MTMR8: variants seen among roughly 807,000 people sequenced by gnomAD.
MTMR8 encodes the protein phosphatidylinositol-3,5-bisphosphate 3-phosphatase MTMR8.
A neutral mutation model predicts 39.3 loss-of-function variants in MTMR8; 65 were observed. That is an observed-to-expected ratio of 1.65 (90% CI 1.35 to 2.03). MTMR8 has a LOEUF of 2.03. MTMR8 is among the 30% of genes most tolerant of loss of function. MTMR8 has a pLI of 0.00. For missense variants in MTMR8, 777 were observed against 538.9 expected (o/e 1.44, Z -4.37); for synonymous variants, 245 against 185.2 (o/e 1.32, Z -2.62).
Position 64,331,643 on chromosome X carries a change from G to A in MTMR8, c.1266C>T (p.Asn422=). ...CATGGTCATGAATCTCCAGCAGGAA[G>A]TTTTCATTAAACTCAAAGGCACAGG... ...QFPCAFEFNE[N]FLLEIHDHVF... is the part of the protein sequence containing the mutation. Residue 422 remains asparagine, a synonymous_variant, in exon 11 of 14, where the codon AAC becomes AAT. Transcript: ENST00000374852. 1.7e-6 allele frequency: 2 copies of A among 1,210,626 alleles called. No homozygotes were observed. The highest frequency in any genetic ancestry group is 2.2e-6 in the Non-Finnish European group (2 of 894,878).
intron 4 of MTMR8, among the ~76,000 whole-genome samples, chrX:64,352,365 G>A (rs889078841): frequency 9.0e-6 from 1 of 110,876 alleles, no homozygotes; most frequent in Non-Finnish European, 1.9e-5. Flanking sequence ...ATCCTTTCAC[G>A]GTAATAAATC....
At chrX:64,329,503 A>G (rs1242025973) in intron 11 of MTMR8, among the ~76,000 whole-genome samples, 1 of 111,674 alleles carries the variant, frequency 9.0e-6, no homozygotes, top group African/African-American at 3.3e-5. Context: ...TGGCATTTAT[A>G]TTACAAAATT....
At chrX:64,345,383 T>C (rs1171197703) in intron 6 of MTMR8, among the ~76,000 whole-genome samples, 1 of 111,487 alleles carries the variant, frequency 9.0e-6, no homozygotes, top group Non-Finnish European at 1.9e-5. Flanking sequence ...AGGGGAAAAA[T>C]AGGGAGATAC....
intron 6 of MTMR8, among the ~76,000 whole-genome samples, chrX:64,348,244 C>G (rs1486882450): frequency 1.8e-5 from 2 of 110,080 alleles, no homozygotes. Flanking sequence ...ATTACTGTGG[C>G]CTAACACATT....
intron 8 of MTMR8, among the ~76,000 whole-genome samples, chrX:64,339,789 G>A (rs181049616): frequency 1.3e-3 from 144 of 110,136 alleles, no homozygotes; most frequent in African/African-American, 4.4e-3. Context: ...TATGTCCACC[G>A]AGATAGCAAA....
At chrX:64,274,789 T>A (rs1931835015) in intron 12 of MTMR8, among the ~76,000 whole-genome samples, 1 of 111,933 alleles carries the variant, frequency 8.9e-6, no homozygotes, top group African/African-American at 3.2e-5. Flanking sequence ...ACTATGTAAG[T>A]GAAATAAGCC....
chrX:64,343,852 C>T (rs758756640), intron 7 of MTMR8, 132 bp from the exon 8 acceptor site: 30 of 472,100 alleles, frequency 6.4e-5, no homozygotes, highest in East Asian at 3.4e-4. Context: ...TTAGAAACCA[C>T]ACAGTGAGTC....
chrX:64,343,792 A>G, intron 7 of MTMR8, 72 bp from the exon 8 acceptor site: 1 of 710,827 alleles, frequency 1.4e-6, no homozygotes, highest in South Asian at 2.4e-5. Flanking sequence ...GAGAAAGTGG[A>G]TCTCCATATC....
intron 1 of MTMR8, among the ~76,000 whole-genome samples, chrX:64,382,839 T>A (rs1237712536): frequency 1.8e-5 from 2 of 111,546 alleles, no homozygotes; most frequent in Non-Finnish European, 3.8e-5. Context: ...AATATTGGAA[T>A]TGGAGAAGTT....
chrX:64,372,877 C>A (rs1029896236), intron 1 of MTMR8, among the ~76,000 whole-genome samples: 6 of 111,234 alleles, frequency 5.4e-5, no homozygotes, highest in Middle Eastern at 4.6e-3. Flanking sequence ...TTTTTAATGA[C>A]AAATTAAAAT....
In MTMR8 at chrX:64,268,649, C is replaced by T. The variant is rs867210552; in HGVS notation, c.2003G>A (p.Gly668Glu). Residue 668 changes from glycine to glutamate, a missense_variant, in exon 14 of 14, where the codon GGA (glycine) becomes GAA (glutamate). Coordinates refer to ENST00000374852, the MANE Select transcript of MTMR8 (RefSeq NM_017677.4). ...MDISEATGIS[G>E]NLGISEARGF... ...CCTGGCCTCAGAAATACCCAAGTTT[C>T]CAGAGATGCCAGTGGCCTCAGAGAT... 9 of 1,211,533 alleles carry T rather than the reference C, an allele frequency of 7.4e-6. No individual in the cohort carries two copies. The highest frequency in any genetic ancestry group is 2.2e-5 in the Admixed American group (1 of 46,020).
intron 12 of MTMR8, among the ~76,000 whole-genome samples, chrX:64,301,672 G>T (rs1444076661): frequency 2.7e-5 from 3 of 111,356 alleles, no homozygotes; most frequent in African/African-American, 6.5e-5. Context: ...AGAGTTTCCA[G>T]TTTTTCTGTT....
intron 1 of MTMR8, among the ~76,000 whole-genome samples, chrX:64,360,611 T>A (rs1056574721): frequency 9.0e-6 from 1 of 111,229 alleles, no homozygotes; most frequent in South Asian, 3.7e-4. Flanking sequence ...CCAACCACAA[T>A]GCAATAGCAC....
At chrX:64,282,445 C>A (rs925769630) in intron 12 of MTMR8, among the ~76,000 whole-genome samples, 4 of 110,396 alleles carry the variant, frequency 3.6e-5, no homozygotes, top group Admixed American at 9.7e-5. Flanking sequence ...CCATGGCACA[C>A]GTTTACCTAT....
At chrX:64,394,013 A>C (rs1924759284) in intron 1 of MTMR8, among the ~76,000 whole-genome samples, 1 of 112,184 alleles carries the variant, frequency 8.9e-6, no homozygotes, top group Admixed American at 9.4e-5. Context: ...TGGGCAATTT[A>C]CCAAAGAGGT....
intron 12 of MTMR8, among the ~76,000 whole-genome samples, chrX:64,304,047 T>G (rs1412114709): frequency 8.9e-6 from 1 of 112,145 alleles, no homozygotes; most frequent in African/African-American, 3.2e-5. Context: ...AAATTAGCTT[T>G]GATAAGGAAA....
chrX:64,329,124 A>G (rs1488277035), intron 11 of MTMR8, among the ~76,000 whole-genome samples: 1 of 111,767 alleles, frequency 8.9e-6, no homozygotes, highest in Non-Finnish European at 1.9e-5. Context: ...GAGGTTAGAA[A>G]GAGTTCCATA....
chrX:64,345,084 T>G lies in MTMR8; in HGVS notation c.826A>C (p.Ile276Leu). ...IRFRFMGIEN[I>L]HVMRSSLQKL... Reference sequence around the variant, plus strand: ...TGCAGACTGCTCCGCATTACATGGATGTTCTCAATGCCCATGAATCTGAAG... The same window carrying G: ...TGCAGACTGCTCCGCATTACATGGAGGTTCTCAATGCCCATGAATCTGAAG... Residue 276 changes from isoleucine (I) to leucine (L), a missense_variant, in exon 7 of 14, where the codon ATC becomes CTC. Coordinates refer to ENST00000374852, the MANE Select transcript of MTMR8 (RefSeq NM_017677.4). 1 of 1,211,208 alleles carries G rather than the reference T, an allele frequency of 8.3e-7. No homozygotes were observed. The highest frequency in any genetic ancestry group is 1.7e-5 in the African/African-American group (1 of 57,873).
chrX:64,268,817 C>G lies in MTMR8; in HGVS notation c.1835G>C (p.Cys612Ser). The change falls in exon 14 of 14, where the codon TGT becomes TCT. Residue 612 changes from cysteine (C) to serine (S), a missense_variant. Coordinates refer to ENST00000374852, the MANE Select transcript of MTMR8 (RefSeq NM_017677.4). ...CCTAAGGCTGCCCACAATCTCACAA[C>G]AGTTATGGTGGAGGTCTGCACCCTG... Reference protein sequence around the residue: ...KSQGADLHHNCCEIVGSLRAI... With the variant: ...KSQGADLHHNSCEIVGSLRAI... 8.3e-7 allele frequency: 1 copy of G among 1,211,751 alleles called. No homozygotes were observed. Among genetic ancestry groups the G allele is most frequent in the Non-Finnish European group, 1.1e-6 (1 of 895,534 alleles).
Sources: allele counts gnomAD v4.1 joint callset (sites outside exome capture counted in the v4.1 genomes callset), GRCh38; gene constraint gnomAD v4.1.1; transcripts MANE v1.5; gene names NCBI Gene and HGNC (gene_info 2026-07-23, HGNC 2026-07-21).